Variants in SERTAD2 observed in about 807,000 individuals in gnomAD.
The protein encoded by SERTAD2 is SERTA domain containing 2.
SERTAD2 carries 2 observed loss-of-function variants against 15.4 expected under a neutral mutation model. The ratio of observed to expected loss-of-function variants is 0.13; its 90% CI spans 0.05 to 0.41. The LOEUF (loss-of-function observed/expected upper bound fraction) is 0.41. SERTAD2 is among the 10% of genes least tolerant of loss of function. SERTAD2 has a pLI of 0.99. For missense variants in SERTAD2, 333 were observed against 409.7 expected (o/e 0.81, Z 1.62); for synonymous variants, 180 against 178.0 (o/e 1.01, Z -0.09).
rs979532640 is a variant in SERTAD2 at position 64,632,200 on chromosome 2, AAG to A, written c.*3725_*3726del. 2.6e-5 allele frequency: 4 copies of A among 152,436 alleles called. No individual in the cohort carries two copies. The highest frequency in any genetic ancestry group is 9.7e-5 in the African/African-American group (4 of 41,404). 9.4% of individuals were successfully genotyped at this position (152,436 alleles called of 1,614,324 possible). ...TTTGTAACAGCAAGGTTTTCAAATT[AAG>A]ACAATTCGTATAGAGTAGCAATTGC... is the stretch of plus-strand genomic sequence containing the variant. On this transcript the variant is annotated 3_prime_UTR_variant, in exon 2 of 2. Coordinates refer to ENST00000313349, the MANE Select transcript of SERTAD2 (RefSeq NM_014755.3).
Position 64,635,610 on chromosome 2 carries a change from T to C in SERTAD2, c.*317A>G, listed in dbSNP as rs1558650854. On this transcript the variant is annotated 3_prime_UTR_variant, in exon 2 of 2. Transcript: ENST00000313349. ...AATATGCACATGCAATTTACAGCTT[T>C]TCCAACTTAATCCTTGTGCTTCACT... 1 of 236,650 alleles carries C rather than the reference T, an allele frequency of 4.2e-6. No individual in the cohort carries two copies. Among genetic ancestry groups the C allele is most frequent in the Non-Finnish European group, 8.4e-6 (1 of 119,702 alleles). The allele number at this position is 236,650 out of a possible 1,614,324, so 14.7% of individuals were successfully genotyped here. A position where few individuals can be genotyped will look rare whatever the true frequency, so the allele number is the denominator to read the frequency against.
intron 1 of SERTAD2, among the ~76,000 whole-genome samples, chr2:64,643,977 A>G (rs2104347093): frequency 6.6e-6 from 1 of 152,348 alleles, no homozygotes; most frequent in Non-Finnish European, 1.5e-5. Flanking sequence ...TGACAAGTCT[A>G]GAGGTGTCAA....
rs753926202 is a variant in SERTAD2 at position 64,634,110 on chromosome 2, G to GACAACA, written c.*1811_*1816dup. On this transcript the variant is annotated 3_prime_UTR_variant, in exon 2 of 2. Coordinates refer to ENST00000313349, the MANE Select transcript of SERTAD2 (RefSeq NM_014755.3). ...ATATTGACAAATGACCAACAACAAAGACAACAACAACAACAAAACATCCCA... is the reference window on the plus strand; with the variant it reads ...ATATTGACAAATGACCAACAACAAAGACAACAACAACAACAACAACAAAACATCCCA... The GACAACA allele has an allele frequency of 6.6e-6, 1 of 152,016 alleles. No individual in the cohort carries two copies. The highest frequency in any genetic ancestry group is 1.5e-5 in the Non-Finnish European group (1 of 67,904). The allele number at this position is 152,016 out of a possible 1,614,324, so 9.4% of individuals were successfully genotyped here.
At chr2:64,644,741 A>C (rs1391114947) in intron 1 of SERTAD2, 1 of 152,372 alleles carries the variant, frequency 6.6e-6, no homozygotes, top group East Asian at 1.9e-4. Context: ...CAGAATCAGA[A>C]AGGAAGCTAA....
chr2:64,642,891 T>C (rs989996184), intron 1 of SERTAD2, among the ~76,000 whole-genome samples: 1 of 151,820 alleles, frequency 6.6e-6, no homozygotes, highest in Non-Finnish European at 1.5e-5. Context: ...CAAATGATTG[T>C]CATTAGCCCG....
At chr2:64,646,720 A>G (rs907466692) in intron 1 of SERTAD2, 1 of 152,250 alleles carries the variant, frequency 6.6e-6, no homozygotes, top group African/African-American at 2.4e-5. Flanking sequence ...AGTACTGTGT[A>G]TAGGAAAGGT....
At position 64,636,596 on chromosome 2, in the gene SERTAD2, G is replaced by A; in HGVS notation, c.276C>T (p.Pro92=). 1.2e-6 allele frequency: 2 copies of A among 1,606,756 alleles called. No individual in the cohort carries two copies. Among genetic ancestry groups the A allele is most frequent in the Non-Finnish European group, 1.7e-6 (2 of 1,175,274 alleles). Residue 92 remains proline, a synonymous_variant, in exon 2 of 2, where the codon CCC becomes CCT. Transcript: ENST00000313349. ...GGTAGCTGTCGCTGGGCTCGGTGGTGGGCTGGGAGGAGGGGGTGAACATGG... is the reference window on the plus strand; with the variant it reads ...GGTAGCTGTCGCTGGGCTCGGTGGTAGGCTGGGAGGAGGGGGTGAACATGG... ...LRPMFTPSSQ[P]TTEPSDSYRE...
At chr2:64,651,089 C>T (rs1341687350) in intron 1 of SERTAD2, among the ~76,000 whole-genome samples, 1 of 152,168 alleles carries the variant, frequency 6.6e-6, no homozygotes, top group Non-Finnish European at 1.5e-5. Context: ...TTCATGGCCC[C>T]AAATACGCCT....
chr2:64,645,765 T>C (rs1018085158), intron 1 of SERTAD2, among the ~76,000 whole-genome samples: 1 of 152,188 alleles, frequency 6.6e-6, no homozygotes, highest in African/African-American at 2.4e-5. Context: ...TGTCAAGTGG[T>C]ATAAAATGTT....
rs1272624007 is a variant in SERTAD2 at position 64,634,626 on chromosome 2, C to T, written c.*1301G>A. 2.6e-5 allele frequency: 4 copies of T among 152,206 alleles called. No homozygotes were observed. The highest frequency in any genetic ancestry group is 9.7e-5 in the African/African-American group (4 of 41,442). The allele number at this position is 152,206 out of a possible 1,614,324, so 9.4% of individuals were successfully genotyped here. A position where few individuals can be genotyped will look rare whatever the true frequency, so the allele number is the denominator to read the frequency against. ...ATGCCATTTTCAGCTCTTAGCAACA[C>T]AGGGAAAGCTCTAGGGAAAGGAAGC... is the stretch of plus-strand genomic sequence containing the variant. On this transcript the variant is annotated 3_prime_UTR_variant, in exon 2 of 2. Coordinates refer to ENST00000313349, the MANE Select transcript of SERTAD2 (RefSeq NM_014755.3).
chr2:64,646,088 C>CA (rs1238027802), intron 1 of SERTAD2, among the ~76,000 whole-genome samples: 2 of 152,038 alleles, frequency 1.3e-5, no homozygotes, highest in African/African-American at 2.4e-5. Context: ...CTTAACTTAA[C>CA]AAAAACATAA....
rs370521494 is a variant in SERTAD2 at position 64,636,440 on chromosome 2, G to A, written c.432C>T (p.Cys144=). Residue 144 remains cysteine (C), a synonymous_variant, in exon 2 of 2, where the codon TGC becomes TGT. Coordinates refer to ENST00000313349, the MANE Select transcript of SERTAD2 (RefSeq NM_014755.3). ...CCGTGGGCTGCATGGCCTGGGAGGT[G>A]CAAAACGTGTCATCGTCGTCCTCGA... ...SLLEDDDDTF[C]TSQAMQPTAP... The A allele has an allele frequency of 3.7e-6, 6 of 1,614,190 alleles. No homozygotes were observed. The highest frequency in any genetic ancestry group is 4.2e-6 in the Non-Finnish European group (5 of 1,180,046).
In SERTAD2 at chr2:64,633,551, G is replaced by A. The variant is rs1223273448; in HGVS notation, c.*2376C>T. The A allele has an allele frequency of 1.3e-5, 2 of 152,212 alleles. No homozygotes were observed. The highest frequency in any genetic ancestry group is 4.8e-5 in the African/African-American group (2 of 41,444). The allele number at this position is 152,212 out of a possible 1,614,324, so 9.4% of individuals were successfully genotyped here. Reference sequence around the variant, plus strand: ...CAATACTATTGTATATGTGTACGTAGGTAGATGTGTGCAGCATGCGGCAGG... The same window carrying A: ...CAATACTATTGTATATGTGTACGTAAGTAGATGTGTGCAGCATGCGGCAGG... On this transcript the variant is annotated 3_prime_UTR_variant, in exon 2 of 2. Coordinates refer to ENST00000313349, the MANE Select transcript of SERTAD2 (RefSeq NM_014755.3).
At chr2:64,636,939 A>G (rs1674675545) in intron 1 of SERTAD2, 64 bp from the exon 2 acceptor site, 1 of 1,227,226 alleles carries the variant, frequency 8.1e-7, no homozygotes, top group East Asian at 2.3e-5. Flanking sequence ...CCATAAAAAA[A>G]GAGACTGATT....
At position 64,636,987 on chromosome 2, in the gene SERTAD2, G is replaced by A. The variant is rs570361097; in HGVS notation, c.-4-112C>T. ...CTTGGACCTCAGTTTCCTGCCCAGG[G>A]TTATTTACAAGTACACGTGGATTAA... On this transcript the variant is annotated intron_variant, in intron 1 of 1. Transcript: ENST00000313349. The A allele has an allele frequency of 1.7e-4, 124 of 717,456 alleles. 2 individuals are homozygous for A. In the South Asian group the frequency reaches 2.2e-3, roughly 13 times the overall value. 44.4% of individuals were successfully genotyped at this position (717,456 alleles called of 1,614,324 possible).
At chr2:64,644,343 C>G (rs772364972) in intron 1 of SERTAD2, among the ~76,000 whole-genome samples, 1 of 152,224 alleles carries the variant, frequency 6.6e-6, no homozygotes, top group South Asian at 2.1e-4. Context: ...TGTTTCTCTT[C>G]TCTTCACTCC....
intron 1 of SERTAD2, among the ~76,000 whole-genome samples, chr2:64,645,177 C>T (rs1232643596): frequency 2.0e-5 from 3 of 152,200 alleles, no homozygotes; most frequent in African/African-American, 7.2e-5. Context: ...CTAGATCAAG[C>T]CAGTCTCCTG....
chr2:64,639,040 TTAAA>T (rs1674717804), intron 1 of SERTAD2, among the ~76,000 whole-genome samples: 1 of 152,250 alleles, frequency 6.6e-6, no homozygotes, highest in African/African-American at 2.4e-5. Context: ...ATTTAAGCAT[TTAAA>T]TACTTATAGA....
rs1169266964 is a variant in SERTAD2 at position 64,645,953 on chromosome 2, AT to A, written c.-5+7666del. On this transcript the variant is annotated intron_variant, in intron 1 of 1. Coordinates refer to ENST00000313349, the MANE Select transcript of SERTAD2 (RefSeq NM_014755.3). ...TATGGTACACTTGATTTAAAAAAAA[AT>A]TAGAAAAATGCTTTGTTTTCTCAGT... is the stretch of plus-strand genomic sequence containing the variant. Among the ~76,000 whole-genome samples, 4 of 148,366 alleles carry A rather than the reference AT, an allele frequency of 2.7e-5. No homozygotes were observed. In the South Asian group the frequency reaches 6.4e-4, roughly 24 times the overall value.
Sources: gnomAD v4.1 joint callset for allele counts (sites outside exome capture counted in the v4.1 genomes callset) on GRCh38, gnomAD v4.1.1 for gene constraint, MANE v1.5 for transcripts, NCBI Gene and HGNC (gene_info 2026-07-23, HGNC 2026-07-21) for gene names.